The following ACYP1 variants were observed in gnomAD, a reference collection of about 807,000 sequenced individuals.
ACYP1 encodes acylphosphatase-1.
ACYP1 carries 8 observed loss-of-function variants against 10.4 expected under a neutral mutation model. The observed-to-expected ratio is 0.77, with a 90% CI of 0.45 to 1.38. The LOEUF is 1.38. ACYP1 is among the 40% of genes most tolerant of loss of function. The pLI, the probability that ACYP1 is intolerant of heterozygous loss-of-function variation, is 0.00. For synonymous variants in ACYP1, 38 were observed against 40.8 expected (o/e 0.93, Z 0.26); for missense variants, 93 against 117.3 (o/e 0.79, Z 0.96).
chr14:75,067,832 GA>G (rs1445763842), upstream of ACYP1, among the ~76,000 whole-genome samples: 1,537 of 141,824 alleles, frequency 0.011, 27 homozygotes, highest in African/African-American at 0.035. Flanking sequence ...TGTCTCTACA[GA>G]AAAAAAAAAA....
At chr14:75,066,170 A>G (rs1267014326), upstream of ACYP1, among the ~76,000 whole-genome samples, 1 of 152,182 alleles carries the variant, frequency 6.6e-6, no homozygotes, top group East Asian at 1.9e-4. Context: ...GGCTGGACCT[A>G]ATCTGGGAGG....
At chr14:75,067,482 A>C (rs175501), upstream of ACYP1, among the ~76,000 whole-genome samples, 151,993 of 152,272 alleles carry the variant, frequency 1, 75,857 homozygotes, top group Middle Eastern at 1. Flanking sequence ...AAAGTAGAAG[A>C]CAGGCCACAA....
chr14:75,066,483 GC>G, upstream of ACYP1, among the ~76,000 whole-genome samples: 1 of 152,296 alleles, frequency 6.6e-6, no homozygotes, highest in East Asian at 1.9e-4. Flanking sequence ...AGTTAGGAGG[GC>G]TATGCCATCC....
Position 75,057,250 on chromosome 14 carries a change from T to G in ACYP1, c.85-3591A>C, listed in dbSNP as rs114623880. ...TGAAATTAGGAAACAATTCCATTTA[T>G]AATAGCATCAAAAAGATAGAGTGTC... On this transcript the variant is annotated intron_variant, in intron 2 of 2. Transcript: ENST00000238618. Among the ~76,000 whole-genome samples, 185 of 151,734 alleles carry G rather than the reference T, an allele frequency of 1.2e-3. 12 individuals carry two copies. Among genetic ancestry groups the G allele is most frequent in the African/African-American group, 4.5e-3 (184 of 41,086 alleles).
At chr14:75,058,818 G>C (rs896068860) in intron 2 of ACYP1, among the ~76,000 whole-genome samples, 1 of 152,060 alleles carries the variant, frequency 6.6e-6, no homozygotes, top group African/African-American at 2.4e-5. Context: ...AAAGAATAAA[G>C]CTGGATTTCC....
upstream of ACYP1, among the ~76,000 whole-genome samples, chr14:75,067,498 T>C (rs375914915): frequency 7.2e-5 from 11 of 152,246 alleles, no homozygotes; most frequent in East Asian, 1.5e-3. Flanking sequence ...CACAATGAAC[T>C]GGACAATGAC....
At position 75,057,919 on chromosome 14, in the gene ACYP1, C is replaced by T. The variant is rs1004376770; in HGVS notation, c.85-4260G>A. Among the ~76,000 whole-genome samples the T allele has an allele frequency of 7.2e-5, 8 of 111,884 alleles. 1 individual carries two copies. In the South Asian group the frequency reaches 1.9e-3, roughly 27 times the overall value. The allele number at this position is 111,884 out of a possible 152,430, so 73.4% of individuals were successfully genotyped here. A position where few individuals can be genotyped will look rare whatever the true frequency, so the allele number is the denominator to read the frequency against. ...AGTGGAGGTTGCAGTGAGCCGAGAT[C>T]GCACTACTGCACTTTAGCCTAGGCA... On this transcript the variant is annotated intron_variant, in intron 2 of 2. Coordinates refer to ENST00000238618, the MANE Select transcript of ACYP1 (RefSeq NM_001107.5).
intron 2 of ACYP1, among the ~76,000 whole-genome samples, chr14:75,057,681 C>T (rs1014673028): frequency 6.6e-6 from 1 of 151,124 alleles, no homozygotes. Context: ...TAAAGAACTA[C>T]CTGAGGACCA....
intron 2 of ACYP1, among the ~76,000 whole-genome samples, chr14:75,056,629 T>C (rs1012314700): frequency 5.3e-5 from 8 of 151,166 alleles, no homozygotes; most frequent in Non-Finnish European, 1.2e-4. Flanking sequence ...GCAAAAATCA[T>C]CAGCAAAATA....
chr14:75,056,771 G>C (rs903215011), intron 2 of ACYP1, among the ~76,000 whole-genome samples: 3 of 151,436 alleles, frequency 2.0e-5, no homozygotes, highest in African/African-American at 7.3e-5. Context: ...AAAGCTATAT[G>C]ATCATCTCAA....
intron 1 of ACYP1, chr14:75,069,085 T>C (rs141700270): frequency 2.0e-5 from 20 of 980,578 alleles, no homozygotes; most frequent in African/African-American, 1.7e-4. Context: ...TAAAACATTA[T>C]AATATCAAAA....
intron 2 of ACYP1, chr14:75,063,086 T>C (rs1893068231): frequency 1.1e-5 from 2 of 175,720 alleles, no homozygotes; most frequent in African/African-American, 4.7e-5. Context: ...CATTTATATA[T>C]GTTATATACA....
At chr14:75,064,143 T>C (rs1893101933), upstream of ACYP1, 1 of 596,824 alleles carries the variant, frequency 1.7e-6, no homozygotes. Flanking sequence ...GAAGGTGGGA[T>C]TTCAGGACGC....
chr14:75,056,084 A>T (rs568915289), intron 2 of ACYP1, among the ~76,000 whole-genome samples: 1 of 151,642 alleles, frequency 6.6e-6, no homozygotes, highest in Admixed American at 6.5e-5. Flanking sequence ...AGAAATAGAA[A>T]GTCTGAATAG....
chr14:75,063,957 CCTT>C lies in ACYP1; in HGVS notation c.-15_-13del, dbSNP rs1226170021. On this transcript the variant is annotated 5_prime_UTR_variant, in exon 1 of 3. Transcript: ENST00000238618. ...CTGGGGGCCCCTGGCGGCTCACCCT[CCTT>C]GTCTTCCCCACCGGCTGCCAGGATC... is the stretch of plus-strand genomic sequence containing the variant. 1 of 999,874 alleles carries C rather than the reference CCTT, an allele frequency of 1.0e-6. No homozygotes were observed. Among genetic ancestry groups the C allele is most frequent in the African/African-American group, 1.7e-5 (1 of 57,730 alleles). 61.9% of individuals were successfully genotyped at this position (999,874 alleles called of 1,614,324 possible). A position where few individuals can be genotyped will look rare whatever the true frequency, so the allele number is the denominator to read the frequency against.
intron 2 of ACYP1, among the ~76,000 whole-genome samples, chr14:75,062,120 A>AAAAAAAAAAAG (rs1566620216): frequency 6.8e-6 from 1 of 147,854 alleles, no homozygotes; most frequent in Non-Finnish European, 1.5e-5. Flanking sequence ...AAAAAAAAAA[A>AAAAAAAAAAAG]AAAAGAAAAG....
At chr14:75,064,101 T>C, upstream of ACYP1, 1 of 929,684 alleles carries the variant, frequency 1.1e-6, no homozygotes. Flanking sequence ...AGCTGACCAA[T>C]CAGAGACGGC....
At chr14:75,068,065 G>A (rs973906322), upstream of ACYP1, among the ~76,000 whole-genome samples, 4 of 151,364 alleles carry the variant, frequency 2.6e-5, no homozygotes, top group African/African-American at 9.7e-5. Context: ...TGAGACAGGC[G>A]GATCACCTGG....
upstream of ACYP1, among the ~76,000 whole-genome samples, chr14:75,067,451 TTGTAG>T (rs1327958185): frequency 1.3e-5 from 2 of 152,090 alleles, no homozygotes; most frequent in Non-Finnish European, 2.9e-5. Flanking sequence ...ACTGGTAGCT[TTGTAG>T]TTAAATAAAG....
Sources: gnomAD v4.1 joint callset for allele counts (sites outside exome capture counted in the v4.1 genomes callset) on GRCh38, gnomAD v4.1.1 for gene constraint, MANE v1.5 for transcripts, NCBI Gene and HGNC (gene_info 2026-07-23, HGNC 2026-07-21) for gene names.